Variants in DYSF observed in about 807,000 individuals in gnomAD.
DYSF encodes dystrophy-associated fer-1-like 1.
In DYSF, 212 loss-of-function variants were observed where a neutral mutation model predicts 274.9. That is an observed-to-expected ratio of 0.77 (90% confidence interval 0.69 to 0.86). The LOEUF is 0.86. Ranked by LOEUF, DYSF falls within the 40% of genes least tolerant of loss-of-function variation. The probability of loss-of-function intolerance (pLI) is 0.00; values close to 1 mark genes in which losing one functional copy is unlikely to be tolerated. For missense variants in DYSF, 2,666 were observed against 2,783.2 expected, an observed-to-expected ratio of 0.96 and a Z score of 0.95; for synonymous variants, 1,091 against 1,078.7, an observed-to-expected ratio of 1.01 and a Z score of -0.22.
Position 71,481,961 on chromosome 2 carries a change from G to C in DYSF, c.230G>C (p.Gly77Ala). The C allele has an allele frequency of 1.2e-6, 2 of 1,614,048 alleles. No homozygotes were observed. The highest frequency in any genetic ancestry group is 1.7e-6 in the Non-Finnish European group (2 of 1,179,972). The change falls in exon 3 of 56, where the codon GGG (glycine) becomes GCG (alanine). Residue 77 changes from glycine to alanine, a missense_variant. By Grantham distance (60) the Gly-to-Ala change is moderately conservative (BLOSUM62 0). Coordinates refer to ENST00000410020, the MANE Select transcript of DYSF (RefSeq NM_001130987.2). ...HVVVKDHETMGRNRFLGEAKV... is the reference protein window; with the variant it reads ...HVVVKDHETMARNRFLGEAKV... Reference sequence around the variant, plus strand: ...GTGGTCAAAGACCATGAGACGATGGGGAGGAACAGGTAAGGTGGCCAGAGG... The same window carrying C: ...GTGGTCAAAGACCATGAGACGATGGCGAGGAACAGGTAAGGTGGCCAGAGG...
At chr2:71,571,875 C>T (rs2092492193) in intron 29 of DYSF, among the ~76,000 whole-genome samples, 1 of 143,764 alleles carries the variant, frequency 7.0e-6, no homozygotes, top group African/African-American at 2.6e-5. Context: ...AGATCACACC[C>T]AGCACACACA....
intron 10 of DYSF, among the ~76,000 whole-genome samples, chr2:71,519,773 T>A (rs187134808): frequency 4.2e-4 from 64 of 151,436 alleles, no homozygotes; most frequent in African/African-American, 1.5e-3. Context: ...GCTTCCCAAG[T>A]AGCTGGAATT....
At position 71,601,508 on chromosome 2, in the gene DYSF, C is replaced by T. The variant is rs202061751; in HGVS notation, c.3907C>T (p.His1303Tyr). The change falls in exon 35 of 56, where the codon CAC (histidine) becomes TAC (tyrosine). Residue 1303 changes from histidine to tyrosine, a missense_variant. Physicochemically the swap from His to Tyr is moderately conservative, Grantham distance 83 (BLOSUM62 2). This residue lies in a region of DYSF where 1,460 missense variants were observed against 1,502.1 expected (regional missense o/e 0.97). Coordinates refer to ENST00000410020, the MANE Select transcript of DYSF (RefSeq NM_001130987.2). ...ELIQREKPAI[H>Y]HIPGFEVQET... ...CTTTTCTTCACTCCAGCCGGCCATC[C>T]ACCATATTCCTGGTTTTGAGGTAAG... 23 of 1,614,220 alleles carry T rather than the reference C, an allele frequency of 1.4e-5. No individual in the cohort carries two copies. In the Admixed American group the frequency reaches 2.8e-4, roughly 20 times the overall value.
chr2:71,645,929 A>G (rs933988315), intron 42 of DYSF, among the ~76,000 whole-genome samples: 1 of 152,106 alleles, frequency 6.6e-6, no homozygotes, highest in African/African-American at 2.4e-5. Context: ...AGGGGACTGG[A>G]TGAGAGAGAG....
At chr2:71,466,214 G>T (rs986952126), upstream of DYSF, among the ~76,000 whole-genome samples, 1 of 152,158 alleles carries the variant, frequency 6.6e-6, no homozygotes, top group Non-Finnish European at 1.5e-5. Context: ...GCAATGAGGC[G>T]GGGGGCTCGG....
intron 24 of DYSF, among the ~76,000 whole-genome samples, chr2:71,565,752 G>A (rs1242789827): frequency 1.3e-5 from 2 of 152,218 alleles, no homozygotes; most frequent in Non-Finnish European, 2.9e-5. Flanking sequence ...TGAATTGCCT[G>A]TTGTCTTATC....
intron 41 of DYSF, 61 bp from the exon 42 acceptor site, chr2:71,643,904 T>G (rs1403577246): frequency 2.9e-6 from 4 of 1,375,222 alleles, no homozygotes; most frequent in Non-Finnish European, 4.1e-6. Context: ...TTTCCAACTC[T>G]GAAGAATGCT....
intron 1 of DYSF, among the ~76,000 whole-genome samples, chr2:71,475,465 G>T (rs1169086332): frequency 1.3e-5 from 2 of 152,174 alleles, no homozygotes; most frequent in Admixed American, 1.3e-4. Flanking sequence ...CGGCTGTCCT[G>T]CACATGTGGT....
Position 71,568,303 on chromosome 2 carries a change from C to T in DYSF, c.2829C>T (p.Thr943=). 6.2e-7 allele frequency: 1 copy of T among 1,614,198 alleles called. No individual in the cohort carries two copies. The highest frequency in any genetic ancestry group is 8.5e-7 in the Non-Finnish European group (1 of 1,180,036). ...KDSFRPSAGW[T]WAGDWFVCPE... is the part of the protein sequence containing the mutation. ...GCTTCCGCCCCTCGGCCGGCTGGACCTGGGCTGGAGATTGGTTCGTGTGTC... is the reference window on the plus strand; with the variant it reads ...GCTTCCGCCCCTCGGCCGGCTGGACTTGGGCTGGAGATTGGTTCGTGTGTC... The change falls in exon 26 of 56, where the codon ACC becomes ACT. Residue 943 remains threonine (T), a synonymous_variant. Transcript: ENST00000410020.
chr2:71,600,511 C>G (rs937077326), intron 33 of DYSF, among the ~76,000 whole-genome samples, 191 bp from the exon 34 acceptor site: 12 of 152,258 alleles, frequency 7.9e-5, no homozygotes, highest in Non-Finnish European at 1.5e-4. Flanking sequence ...ACAGTCACCA[C>G]AGGCTGCTCA....
At chr2:71,470,306 A>G (rs2081895636) in intron 1 of DYSF, among the ~76,000 whole-genome samples, 1 of 152,160 alleles carries the variant, frequency 6.6e-6, no homozygotes, top group Admixed American at 6.6e-5. Context: ...TAACTCACCT[A>G]TGTAGGGAAA....
chr2:71,668,888 G>T, intron 49 of DYSF, 46 bp downstream of exon 49: 3 of 1,584,434 alleles, frequency 1.9e-6, no homozygotes, highest in Non-Finnish European at 2.6e-6. Flanking sequence ...AGGGGTGGGG[G>T]CGTTGCAGCC....
intron 30 of DYSF, among the ~76,000 whole-genome samples, chr2:71,586,060 G>A (rs1205430303): frequency 1.3e-5 from 2 of 152,132 alleles, no homozygotes; most frequent in African/African-American, 4.8e-5. Flanking sequence ...TGTCCTGACT[G>A]CCAGAGACTC....
At position 71,513,241 on chromosome 2, in the gene DYSF, CGG is replaced by C; in HGVS notation, c.466_467del (p.Gly156ThrfsTer12). ...GGTTATGCCCTGCCCACAAGACAGG[CGG>C]GGGACAGAGCCGGGCCGAGACTTGG... ...TLPDLDVVAG[G>X]GQSRAETWSL... is the part of the protein sequence containing the mutation. On this transcript the variant is annotated frameshift_variant and splice_region_variant, in exon 6 of 56. Transcript: ENST00000410020. LOFTEE classifies it high-confidence loss of function. The C allele has an allele frequency of 6.4e-7, 1 of 1,551,524 alleles. No individual in the cohort carries two copies. Among genetic ancestry groups the C allele is most frequent in the African/African-American group, 1.4e-5 (1 of 73,112 alleles).
At chr2:71,519,270 T>C (rs2086979425) in intron 10 of DYSF, among the ~76,000 whole-genome samples, 1 of 152,130 alleles carries the variant, frequency 6.6e-6, no homozygotes, top group African/African-American at 2.4e-5. Flanking sequence ...AGAATGAGCT[T>C]GAGCCCAAGT....
At chr2:71,683,752 C>T (rs915952676) in intron 55 of DYSF, among the ~76,000 whole-genome samples, 4 of 152,250 alleles carry the variant, frequency 2.6e-5, no homozygotes, top group Non-Finnish European at 4.4e-5. Context: ...GCATTGATCC[C>T]ATGGCAGACA....
chr2:71,612,580 C>T, intron 38 of DYSF, 61 bp from the exon 39 acceptor site: 5 of 1,599,532 alleles, frequency 3.1e-6, no homozygotes, highest in Non-Finnish European at 4.3e-6. Flanking sequence ...GCTCTTTGGG[C>T]TTGACCTGGA....
intron 55 of DYSF, among the ~76,000 whole-genome samples, chr2:71,684,928 C>CT (rs2095338308): frequency 6.6e-6 from 1 of 152,206 alleles, no homozygotes; most frequent in Non-Finnish European, 1.5e-5. Context: ...GTCATCTTCC[C>CT]TGGCTGCTGT....
At chr2:71,559,367 C>T (rs1277742430) in intron 22 of DYSF, among the ~76,000 whole-genome samples, 1 of 152,188 alleles carries the variant, frequency 6.6e-6, no homozygotes, top group Admixed American at 6.5e-5. Flanking sequence ...GCCCTGGTGG[C>T]TCTGCCTCAC....
Sources: gnomAD v4.1 joint callset for allele counts (sites outside exome capture counted in the v4.1 genomes callset) on GRCh38, gnomAD v4.1.1 for gene constraint, gnomAD v4.1.1 regional missense constraint, MANE v1.5 for transcripts, NCBI Gene and HGNC (gene_info 2026-07-23, HGNC 2026-07-21) for gene names.